Variants in FOXP1 observed in about 807,000 individuals in gnomAD.
FOXP1 encodes forkhead box protein P1.
In FOXP1, 15 loss-of-function variants were observed where a neutral mutation model predicts 98.2. The observed-to-expected ratio is 0.15, with a 90% CI of 0.10 to 0.24. The LOEUF is 0.24. FOXP1 is among the 10% of genes least tolerant of loss of function. FOXP1 has a pLI of 1.00. For missense variants in FOXP1, 633 were observed against 848.5 expected, an observed-to-expected ratio of 0.75 and a Z score of 3.15; for synonymous variants, 371 against 314.5, an observed-to-expected ratio of 1.18 and a Z score of -1.90.
At chr3:71,391,549 G>A (rs765004949) in intron 3 of FOXP1, among the ~76,000 whole-genome samples, 9 of 152,192 alleles carry the variant, frequency 5.9e-5, no homozygotes, top group Non-Finnish European at 1.2e-4. Flanking sequence ...TCGCTTGTGC[G>A]GGCCTCAATT....
chr3:71,434,112 G>C (rs2084981419), intron 3 of FOXP1, among the ~76,000 whole-genome samples: 1 of 152,190 alleles, frequency 6.6e-6, no homozygotes, highest in Non-Finnish European at 1.5e-5. Context: ...CAGGAGATGG[G>C]AAGAGATCAA....
At chr3:71,000,762 G>A (rs895640710) in intron 13 of FOXP1, among the ~76,000 whole-genome samples, 1 of 148,442 alleles carries the variant, frequency 6.7e-6, no homozygotes, top group African/African-American at 2.6e-5. Context: ...GTTCCAAAGA[G>A]TGAACTGGGG....
chr3:71,008,115 T>A (rs1007087233), intron 12 of FOXP1, among the ~76,000 whole-genome samples: 2 of 152,166 alleles, frequency 1.3e-5, no homozygotes, highest in African/African-American at 4.8e-5. Context: ...AAAGAAAAAC[T>A]AGGAGAAATG....
chr3:71,216,833 C>G (rs1332350748), intron 5 of FOXP1, among the ~76,000 whole-genome samples: 1 of 152,126 alleles, frequency 6.6e-6, no homozygotes, highest in Admixed American at 6.5e-5. Context: ...TTAATTGTCC[C>G]TCCCCCACCA....
intron 2 of FOXP1, among the ~76,000 whole-genome samples, chr3:71,513,606 CTG>C (rs2042354224): frequency 6.6e-6 from 1 of 152,136 alleles, no homozygotes; most frequent in African/African-American, 2.4e-5. Flanking sequence ...CGCACCAGAA[CTG>C]TGTGAAAGTT....
At position 71,298,751 on chromosome 3, in the gene FOXP1, T is replaced by C. The variant is rs367699733; in HGVS notation, c.-12+1069A>G. Among the ~76,000 whole-genome samples the C allele has an allele frequency of 2.6e-5, 4 of 151,802 alleles. No individual in the cohort carries two copies. In the East Asian group the frequency reaches 5.8e-4, roughly 22 times the overall value. ...AAAACAAATCCATATCCTTTATATA[T>C]ATGCATTCTAGAACCCCCCCAAGCC... On this transcript the variant is annotated intron_variant, in intron 5 of 20. Transcript: ENST00000649528.
intron 4 of FOXP1, among the ~76,000 whole-genome samples, chr3:71,310,454 A>C (rs922242668): frequency 6.6e-6 from 1 of 152,248 alleles, no homozygotes; most frequent in African/African-American, 2.4e-5. Context: ...ATTTCTTCAC[A>C]GGCAAACTCT....
At chr3:71,060,028 A>T (rs1261029584) in intron 7 of FOXP1, among the ~76,000 whole-genome samples, 2 of 152,190 alleles carry the variant, frequency 1.3e-5, no homozygotes, top group Non-Finnish European at 2.9e-5. Flanking sequence ...TGTCTAAAGA[A>T]GATTTTTCTA....
intron 5 of FOXP1, among the ~76,000 whole-genome samples, chr3:71,244,110 C>T (rs1256903662): frequency 1.3e-5 from 2 of 152,120 alleles, no homozygotes; most frequent in Admixed American, 1.3e-4. Context: ...GGAATCTTAG[C>T]TGCTGCCATA....
intron 5 of FOXP1, among the ~76,000 whole-genome samples, chr3:71,265,855 G>A (rs1405760720): frequency 6.6e-6 from 1 of 152,174 alleles, no homozygotes; most frequent in Non-Finnish European, 1.5e-5. Context: ...CGCGAAAAGT[G>A]AAGGTCACAT....
At chr3:71,316,658 T>C (rs999938716) in intron 4 of FOXP1, among the ~76,000 whole-genome samples, 4 of 151,512 alleles carry the variant, frequency 2.6e-5, no homozygotes, top group Middle Eastern at 6.8e-3. Flanking sequence ...TTAGGGCATA[T>C]TCTTTTTTTT....
chr3:71,130,851 G>A (rs1305893880), intron 6 of FOXP1: 10 of 1,429,926 alleles, frequency 7.0e-6, no homozygotes, highest in East Asian at 5.0e-5. Flanking sequence ...AGCACTTAAA[G>A]AAATCTATTA....
intron 5 of FOXP1, among the ~76,000 whole-genome samples, chr3:71,275,744 G>A (rs757360610): frequency 1.7e-4 from 26 of 152,282 alleles, no homozygotes; most frequent in African/African-American, 5.8e-4. Context: ...GGCATGCGCC[G>A]TATTATTAGA....
rs2077869562 is a variant in FOXP1 at position 71,352,566 on chromosome 3, G to A, written c.-73+6584C>T. On this transcript the variant is annotated intron_variant, in intron 4 of 20. Transcript: ENST00000649528. ...TGCTCCATATAAGCAGAGGGCTCTG[G>A]GTGAGTCATTTAACTCACTATTCTT... is the stretch of plus-strand genomic sequence containing the variant. Among the ~76,000 whole-genome samples the A allele has an allele frequency of 2.0e-5, 3 of 151,498 alleles. No homozygotes were observed. The East Asian group carries it at 5.8e-4, about 29-fold the overall frequency.
chr3:71,243,072 TC>T (rs1329290431), intron 5 of FOXP1, among the ~76,000 whole-genome samples: 1 of 152,084 alleles, frequency 6.6e-6, no homozygotes, highest in African/African-American at 2.4e-5. Flanking sequence ...TTTGAATATC[TC>T]CCCGTCTAAT....
intron 11 of FOXP1, among the ~76,000 whole-genome samples, chr3:71,038,227 C>T (rs1026540484): frequency 6.6e-6 from 1 of 152,282 alleles, no homozygotes. Flanking sequence ...GTAACTCTCA[C>T]AACACTACCT....
chr3:71,452,857 A>G (rs543678732), intron 3 of FOXP1, among the ~76,000 whole-genome samples: 2 of 152,124 alleles, frequency 1.3e-5, no homozygotes, highest in Non-Finnish European at 2.9e-5. Context: ...AAATGAACAA[A>G]TCTCCAAGGA....
intron 11 of FOXP1, among the ~76,000 whole-genome samples, chr3:71,028,311 T>C (rs2046405215): frequency 6.6e-6 from 1 of 152,150 alleles, no homozygotes; most frequent in South Asian, 2.1e-4. Flanking sequence ...TGCCACACCA[T>C]AAGGATACCA....
chr3:71,446,675 C>G (rs2108482660), intron 3 of FOXP1, among the ~76,000 whole-genome samples: 1 of 152,336 alleles, frequency 6.6e-6, no homozygotes, highest in South Asian at 2.1e-4. Flanking sequence ...AATTTAAAGA[C>G]AAAATTATAT....
Sources: allele counts gnomAD v4.1 joint callset (sites outside exome capture counted in the v4.1 genomes callset), GRCh38; gene constraint gnomAD v4.1.1; transcripts MANE v1.5; gene names NCBI Gene and HGNC (gene_info 2026-07-23, HGNC 2026-07-21).